Variants in RAD51C observed in about 807,000 individuals in gnomAD.
The protein encoded by RAD51C is DNA repair protein RAD51 homolog 3.
A neutral mutation model predicts 45.0 loss-of-function variants in RAD51C; 42 were observed. The observed-to-expected ratio is 0.93, with a 90% CI of 0.73 to 1.21. RAD51C has a LOEUF of 1.21. Among genes scored for constraint, RAD51C ranks in the 50% most tolerant of loss-of-function variants. RAD51C has a pLI of 0.00. For synonymous variants in RAD51C, 172 were observed against 159.8 expected (o/e 1.08, Z -0.58); for missense variants, 474 against 452.2 (o/e 1.05, Z -0.44).
At chr17:58,718,702 G>A (rs755781202) in intron 5 of RAD51C, among the ~76,000 whole-genome samples, 1 of 152,080 alleles carries the variant, frequency 6.6e-6, no homozygotes. Flanking sequence ...CATTTGACCT[G>A]ACTACTAGGA....
rs1060502585 is a variant in RAD51C, at chr17:58,694,983, A to T, written c.198A>T (p.Arg66Ser). The change falls in exon 2 of 9, where the codon AGA becomes AGT. Residue 66 changes from arginine (R) to serine (S), a missense_variant. By Grantham distance (110) the Arg-to-Ser change is moderately radical. Transcript: ENST00000337432. Reference sequence around the variant, plus strand: ...TAGAAACTCTGCAAATTATCAGAAGAGAATGTCTCACAAATAAACCAAGAT... The same window carrying T: ...TAGAAACTCTGCAAATTATCAGAAGTGAATGTCTCACAAATAAACCAAGAT... ...EALETLQIIR[R>S]ECLTNKPRYA... 1.2e-6 allele frequency: 2 copies of T among 1,614,178 alleles called. No individual in the cohort carries two copies.
At chr17:58,721,703 A>G (rs2048923072) in intron 6 of RAD51C, among the ~76,000 whole-genome samples, 1 of 151,908 alleles carries the variant, frequency 6.6e-6, no homozygotes, top group Non-Finnish European at 1.5e-5. Context: ...AGGTTGCAGT[A>G]AGCCACGGTC....
chr17:58,697,546 AAAAAAAAAAAACC>A (rs1419246263), intron 3 of RAD51C, among the ~76,000 whole-genome samples: 6 of 137,990 alleles, frequency 4.3e-5, no homozygotes, highest in Admixed American at 7.3e-5. Flanking sequence ...CTCTTAAAAA[AAAAAAAAAAAACC>A]AAAAAAAAAA....
At chr17:58,710,391 G>A (rs1179006292) in intron 5 of RAD51C, among the ~76,000 whole-genome samples, 1 of 149,874 alleles carries the variant, frequency 6.7e-6, no homozygotes, top group African/African-American at 2.5e-5. Context: ...CCACCTACTC[G>A]GGAGGCTGAG....
At chr17:58,700,282 C>G (rs1054372593) in intron 3 of RAD51C, 1 of 152,084 alleles carries the variant, frequency 6.6e-6, no homozygotes, top group Admixed American at 6.6e-5. Flanking sequence ...TTACAGGGCT[C>G]CAGCCAAGAA....
At chr17:58,716,163 T>G (rs1307857797) in intron 5 of RAD51C, among the ~76,000 whole-genome samples, 1 of 152,092 alleles carries the variant, frequency 6.6e-6, no homozygotes, top group African/African-American at 2.4e-5. Context: ...CATACTAATT[T>G]TCAGTTGTAT....
rs1555602159 is a variant in RAD51C, at chr17:58,720,813, G to C, written c.904+1G>C. On this transcript the variant is annotated splice_donor_variant, in intron 6 of 8. Coordinates refer to ENST00000337432, the MANE Select transcript of RAD51C (RefSeq NM_058216.3). LOFTEE classifies it high-confidence loss of function. ...CAGGCCTTGCTTGTTCCTGCATTAG[G>C]TGGGTAATTAATCAGATAAACATTT... is the stretch of plus-strand genomic sequence containing the variant. 1 of 1,606,440 alleles carries C rather than the reference G, an allele frequency of 6.2e-7. No individual in the cohort carries two copies. Among genetic ancestry groups the C allele is most frequent in the Non-Finnish European group, 8.5e-7 (1 of 1,174,268 alleles).
At chr17:58,703,120 TAAA>T in intron 3 of RAD51C, 73 bp from the exon 4 acceptor site, 1 of 1,500,844 alleles carries the variant, frequency 6.7e-7, no homozygotes, top group Non-Finnish European at 9.2e-7. Context: ...ATTTTGTTAT[TAAA>T]AAGCATTGTT....
intron 3 of RAD51C, among the ~76,000 whole-genome samples, 156 bp downstream of exon 3, chr17:58,697,015 G>C (rs1462814582): frequency 6.6e-6 from 1 of 152,182 alleles, no homozygotes; most frequent in Admixed American, 6.6e-5. Flanking sequence ...TACAAAATGA[G>C]AAATGCCACA....
At chr17:58,733,073 C>T (rs918603373) in intron 8 of RAD51C, among the ~76,000 whole-genome samples, 35 of 151,796 alleles carry the variant, frequency 2.3e-4, no homozygotes, top group Admixed American at 1.9e-3. Flanking sequence ...TGGAGTGCAG[C>T]GGTGCAATCT....
intron 5 of RAD51C, among the ~76,000 whole-genome samples, chr17:58,712,882 G>GCCT (rs2048608180): frequency 6.6e-6 from 1 of 152,166 alleles, no homozygotes; most frequent in East Asian, 1.9e-4. Context: ...CAGCACTTTG[G>GCCT]GAGGCCAAGG....
rs941777105 is a variant in RAD51C, at chr17:58,710,091, T to C, written c.837+101T>C. 7 of 1,343,668 alleles carry C rather than the reference T, an allele frequency of 5.2e-6. No homozygotes were observed. In the African/African-American group the frequency reaches 8.7e-5, roughly 17 times the overall value. 83.2% of individuals were successfully genotyped at this position (1,343,668 alleles called of 1,614,324 possible). ...AATAGCGTTTGCCTGACAAATAATA[T>C]AGACATGCAGTTTTGAGTAAAGTTA... On this transcript the variant is annotated intron_variant, in intron 5 of 8. Coordinates refer to ENST00000337432, the MANE Select transcript of RAD51C (RefSeq NM_058216.3).
intron 4 of RAD51C, among the ~76,000 whole-genome samples, chr17:58,707,511 G>A (rs1173001247): frequency 6.7e-6 from 1 of 148,632 alleles, no homozygotes; most frequent in Non-Finnish European, 1.5e-5. Flanking sequence ...AACAGAGCGA[G>A]ACTCCATCTG....
In RAD51C at chr17:58,720,783, G is replaced by C. The variant is rs2143930978; in HGVS notation, c.875G>C (p.Arg292Thr). 6.2e-7 allele frequency: 1 copy of C among 1,612,608 alleles called. No individual in the cohort carries two copies. The highest frequency in any genetic ancestry group is 8.5e-7 in the Non-Finnish European group (1 of 1,179,136). Reference protein sequence around the residue: ...LTNQMTTKIDRNQALLVPALG... With the variant: ...LTNQMTTKIDTNQALLVPALG... The stretch of plus-strand genomic sequence containing the variant: ...AATCAGATGACAACAAAGATTGATA[G>C]AAATCAGGCCTTGCTTGTTCCTGCA... The change falls in exon 6 of 9, where the codon AGA (arginine) becomes ACA (threonine). Residue 292 changes from arginine (R) to threonine (T), a missense_variant. Arg to Thr is a moderately conservative substitution (Grantham distance 71). Transcript: ENST00000337432.
intron 7 of RAD51C, among the ~76,000 whole-genome samples, chr17:58,730,859 T>C (rs2049392406): frequency 6.6e-6 from 1 of 152,172 alleles, no homozygotes; most frequent in African/African-American, 2.4e-5. Context: ...TACATTCATA[T>C]TGTGCAGCCA....
chr17:58,698,863 A>G (rs1363609393), intron 3 of RAD51C, among the ~76,000 whole-genome samples: 2 of 148,184 alleles, frequency 1.3e-5, no homozygotes, highest in Non-Finnish European at 3.0e-5. Context: ...CGGAGGTTGC[A>G]GTGAGCCGAG....
At position 58,703,246 on chromosome 17, in the gene RAD51C, A is replaced by G. The variant is rs771078849; in HGVS notation, c.622A>G (p.Ile208Val). The G allele has an allele frequency of 6.8e-6, 11 of 1,608,048 alleles. No homozygotes were observed. Among genetic ancestry groups the G allele is most frequent in the Non-Finnish European group, 9.4e-6 (11 of 1,174,646 alleles). ...DFTLDNILSHIYYFRCRDYTE... is the reference protein window; with the variant it reads ...DFTLDNILSHVYYFRCRDYTE... ...CACTCTTGATAATATTCTTTCTCAT[A>G]TTTATTATTTTCGCTGTCGTGACTA... The change falls in exon 4 of 9, where the codon ATT (isoleucine) becomes GTT (valine). Residue 208 changes from isoleucine to valine, a missense_variant. Coordinates refer to ENST00000337432, the MANE Select transcript of RAD51C (RefSeq NM_058216.3).
intron 4 of RAD51C, among the ~76,000 whole-genome samples, chr17:58,707,427 C>T (rs745728318): frequency 1.3e-5 from 2 of 151,396 alleles, no homozygotes; most frequent in African/African-American, 4.9e-5. Flanking sequence ...GAGTCTGAGG[C>T]GGGAGAATTG....
rs1555599231 is a variant in RAD51C, at chr17:58,709,948, A to G, written c.795A>G (p.Leu265=). 1.2e-6 allele frequency: 2 copies of G among 1,613,404 alleles called. No individual in the cohort carries two copies. The highest frequency in any genetic ancestry group is 1.7e-6 in the Non-Finnish European group (2 of 1,179,348). ...LSLRTRLLNG[L]AQQMISLANN... is the part of the protein sequence containing the mutation. ...TTCGTACTCGGTTATTAAATGGCCT[A>G]GCCCAGCAAATGATCAGCCTTGCAA... The change falls in exon 5 of 9, where the codon CTA becomes CTG. Residue 265 remains leucine (L), a synonymous_variant. Coordinates refer to ENST00000337432, the MANE Select transcript of RAD51C (RefSeq NM_058216.3).
Sources: gnomAD v4.1 joint callset for allele counts (sites outside exome capture counted in the v4.1 genomes callset) on GRCh38, gnomAD v4.1.1 for gene constraint, MANE v1.5 for transcripts, NCBI Gene and HGNC (gene_info 2026-07-23, HGNC 2026-07-21) for gene names.